Variants in HTR7 observed in about 807,000 individuals in gnomAD.
The protein encoded by HTR7 is 5-HT-7.
A neutral mutation model predicts 34.0 loss-of-function variants in HTR7; 16 were observed. The ratio of observed to expected loss-of-function variants is 0.47; its 90% CI spans 0.32 to 0.71. The LOEUF is 0.71. HTR7 is among the 30% of genes least tolerant of loss of function. The pLI is 0.04. For missense variants in HTR7, 504 were observed against 625.5 expected, an observed-to-expected ratio of 0.81 and a Z score of 2.07; for synonymous variants, 265 against 260.2, an observed-to-expected ratio of 1.02 and a Z score of -0.18.
intron 1 of HTR7, among the ~76,000 whole-genome samples, chr10:90,765,141 A>C (rs1182699018): frequency 1.3e-5 from 2 of 152,168 alleles, no homozygotes; most frequent in Non-Finnish European, 2.9e-5. Flanking sequence ...TAGATTCCCC[A>C]GTGAAGTCAT....
chr10:90,748,934 C>A lies in HTR7; in HGVS notation c.1200G>T (p.Gln400His). Residue 400 changes from glutamine to histidine, a missense_variant, in exon 2 of 4, where the codon CAG becomes CAT. Coordinates refer to ENST00000336152, the MANE Select transcript of HTR7 (RefSeq NM_019859.4). ...DLRTTYRSLL[Q>H]CQYRNINRKL... ...TCCGGTTGATATTCCGGTACTGGCACTGGAGCAGGCTGCGATAGGTGGTCC... is the reference window on the plus strand; with the variant it reads ...TCCGGTTGATATTCCGGTACTGGCAATGGAGCAGGCTGCGATAGGTGGTCC... 1 of 1,614,172 alleles carries A rather than the reference C, an allele frequency of 6.2e-7. No individual in the cohort carries two copies. The highest frequency in any genetic ancestry group is 8.5e-7 in the Non-Finnish European group (1 of 1,180,018).
intron 1 of HTR7, among the ~76,000 whole-genome samples, chr10:90,759,883 T>C (rs113709811): frequency 1.3e-5 from 2 of 152,320 alleles, no homozygotes; most frequent in African/African-American, 4.8e-5. Context: ...GATCAACTGA[T>C]ACTGCCTAAA....
rs190468190 is a variant in HTR7 at position 90,809,174 on chromosome 10, T to A, written c.539+47959A>T. Among the ~76,000 whole-genome samples the A allele has an allele frequency of 3.1e-4, 47 of 152,248 alleles. 1 individual carries two copies. The Middle Eastern group carries it at 0.014, about 44-fold the overall frequency. On this transcript the variant is annotated intron_variant, in intron 1 of 3. Coordinates refer to ENST00000336152, the MANE Select transcript of HTR7 (RefSeq NM_019859.4). ...CCTCTTCTCCACCCTATAATCCTTTTATCACCTCCCCTCCTGACACCCGGT... is the reference window on the plus strand; with the variant it reads ...CCTCTTCTCCACCCTATAATCCTTTAATCACCTCCCCTCCTGACACCCGGT...
At chr10:90,770,585 G>A (rs768943563) in intron 1 of HTR7, among the ~76,000 whole-genome samples, 1 of 152,152 alleles carries the variant, frequency 6.6e-6, no homozygotes, top group African/African-American at 2.4e-5. Flanking sequence ...GCGGGATTGG[G>A]GCCGAGCCCG....
At position 90,741,382 on chromosome 10, in the gene HTR7, G is replaced by A. The variant is rs1844539623; in HGVS notation, c.*1100C>T. The stretch of plus-strand genomic sequence containing the variant: ...TTTTGGTGGGTAGGGGTGGGAATCA[G>A]AGGACAGAATTGCTTAGGCACACAT... On this transcript the variant is annotated 3_prime_UTR_variant, in exon 4 of 4. Coordinates refer to ENST00000336152, the MANE Select transcript of HTR7 (RefSeq NM_019859.4). 6.6e-6 allele frequency: 1 copy of A among 152,560 alleles called. No individual in the cohort carries two copies. The allele number at this position is 152,560 out of a possible 1,614,324, so 9.5% of individuals were successfully genotyped here.
At chr10:90,742,889 C>T (rs528657924) in intron 3 of HTR7, among the ~76,000 whole-genome samples, 1 of 152,288 alleles carries the variant, frequency 6.6e-6, no homozygotes, top group South Asian at 2.1e-4. Context: ...ATAATGATTA[C>T]CAATGAGACG....
chr10:90,745,366 C>T (rs1380821892), intron 2 of HTR7, among the ~76,000 whole-genome samples: 2 of 152,072 alleles, frequency 1.3e-5, no homozygotes, highest in African/African-American at 2.4e-5. Flanking sequence ...TTTATAAGGG[C>T]AATAATCCCA....
intron 1 of HTR7, among the ~76,000 whole-genome samples, chr10:90,766,257 T>A (rs1222023334): frequency 6.6e-6 from 1 of 152,238 alleles, no homozygotes; most frequent in Non-Finnish European, 1.5e-5. Context: ...TTGACCTCTT[T>A]ATCATTGCAT....
intron 1 of HTR7, among the ~76,000 whole-genome samples, chr10:90,767,009 C>G (rs971736964): frequency 6.6e-6 from 1 of 152,168 alleles, no homozygotes; most frequent in Non-Finnish European, 1.5e-5. Context: ...CGAAGTCAAG[C>G]AGGGCCACTG....
rs770626679 is a variant in HTR7, at chr10:90,743,617, G to A, written c.1369C>T (p.Pro457Ser). The change falls in exon 3 of 4, where the codon CCA (proline) becomes TCA (serine). Residue 457 changes from proline to serine, a missense_variant. This residue lies in a region of HTR7 where 154 missense variants were observed against 212.1 expected (regional missense o/e 0.73). Transcript: ENST00000336152. ...PPVSVWVLQS[P>S]DHHNWLADKM... The stretch of plus-strand genomic sequence containing the variant: ...CCTGCTAACCAATTGTGATGGTCTG[G>A]AGATTGTAGCACCCACACAGATACC... The A allele has an allele frequency of 6.2e-7, 1 of 1,613,924 alleles. No individual in the cohort carries two copies. The highest frequency in any genetic ancestry group is 1.1e-5 in the South Asian group (1 of 91,082).
chr10:90,746,412 T>C (rs1264992725), intron 2 of HTR7, among the ~76,000 whole-genome samples: 1 of 152,192 alleles, frequency 6.6e-6, no homozygotes, highest in Non-Finnish European at 1.5e-5. Context: ...ATAGCAGTGT[T>C]TCCTTGCTCA....
rs1478516123 is a variant in HTR7, at chr10:90,840,177, T to TCTCTCA, written c.539+16955_539+16956insTGAGAG. On this transcript the variant is annotated intron_variant, in intron 1 of 3. Transcript: ENST00000336152. ...CTCCATCTGTTTCTCTCTCTCTCTCTCACACACACACACACACACACACAC... is the reference window on the plus strand; with the variant it reads ...CTCCATCTGTTTCTCTCTCTCTCTCTCTCTCACACACACACACACACACACACACAC... Among the ~76,000 whole-genome samples the TCTCTCA allele has an allele frequency of 8.1e-3, 1,105 of 136,868 alleles. 8 individuals carry two copies. Among genetic ancestry groups the TCTCTCA allele is most frequent in the Middle Eastern group, 0.022 (6 of 274 alleles). The allele number at this position is 136,868 out of a possible 152,430, so 89.8% of individuals were successfully genotyped here. A position where few individuals can be genotyped will look rare whatever the true frequency, so the allele number is the denominator to read the frequency against.
At chr10:90,856,074 G>T (rs1846575641) in intron 1 of HTR7, among the ~76,000 whole-genome samples, 1 of 150,510 alleles carries the variant, frequency 6.6e-6, no homozygotes, top group Admixed American at 6.6e-5. Flanking sequence ...AAGTGTGGAG[G>T]CATCAATTAT....
rs376342721 is a variant in HTR7, at chr10:90,749,061, C to T, written c.1073G>A (p.Cys358Tyr). ...CTCCACCCACAGTGGGATGCAGCTG[C>T]AGGAAGTGCCACAGATGAAGGGTCT... ...TARPFICGTS[C>Y]SCIPLWVERT... is the part of the protein sequence containing the mutation. The change falls in exon 2 of 4, where the codon TGC becomes TAC. Residue 358 changes from cysteine (C) to tyrosine (Y), a missense_variant. Physicochemically the swap from Cys to Tyr is radical, Grantham distance 194. This residue lies in a region of HTR7 where 154 missense variants were observed against 212.1 expected (regional missense o/e 0.73). Coordinates refer to ENST00000336152, the MANE Select transcript of HTR7 (RefSeq NM_019859.4). The surrounding 1 kb of genome is among the most constrained non-coding windows in gnomAD (Gnocchi z 4.2). 1 of 1,613,814 alleles carries T rather than the reference C, an allele frequency of 6.2e-7. No homozygotes were observed. The highest frequency in any genetic ancestry group is 1.3e-5 in the African/African-American group (1 of 74,874).
chr10:90,765,314 C>A (rs1845003856), intron 1 of HTR7, among the ~76,000 whole-genome samples: 1 of 152,068 alleles, frequency 6.6e-6, no homozygotes, highest in South Asian at 2.1e-4. Context: ...CTAGAAGTAT[C>A]CCTATTAGTT....
intron 2 of HTR7, among the ~76,000 whole-genome samples, chr10:90,745,179 T>C (rs928247268): frequency 6.6e-5 from 10 of 152,306 alleles, no homozygotes; most frequent in East Asian, 1.9e-4. Flanking sequence ...ATCCCATAAA[T>C]TGGTAGCTTA....
intron 1 of HTR7, among the ~76,000 whole-genome samples, chr10:90,763,619 C>G (rs1160960568): frequency 6.6e-6 from 1 of 152,098 alleles, no homozygotes; most frequent in Non-Finnish European, 1.5e-5. Flanking sequence ...CTCCTCTTGC[C>G]CCCCATCCCC....
At chr10:90,846,246 T>A (rs971405372) in intron 1 of HTR7, among the ~76,000 whole-genome samples, 1 of 152,236 alleles carries the variant, frequency 6.6e-6, no homozygotes. Flanking sequence ...AGTAATCTTA[T>A]ACAATATTCT....
chr10:90,836,376 G>A (rs1846252041), intron 1 of HTR7, among the ~76,000 whole-genome samples: 1 of 152,086 alleles, frequency 6.6e-6, no homozygotes, highest in South Asian at 2.1e-4. Flanking sequence ...ACTGACTGGT[G>A]GTATAACCTA....
Sources: allele counts gnomAD v4.1 joint callset (sites outside exome capture counted in the v4.1 genomes callset), GRCh38; gene constraint gnomAD v4.1.1; regional missense constraint gnomAD v4.1.1; non-coding constraint Gnocchi (gnomAD v3.1); transcripts MANE v1.5; gene names NCBI Gene and HGNC (gene_info 2026-07-23, HGNC 2026-07-21).